Variants in TENM2 observed in about 807,000 individuals in gnomAD.
The protein encoded by TENM2 is teneurin transmembrane protein 2, also known as teneurin-2.
A neutral mutation model predicts 245.2 loss-of-function variants in TENM2; 52 were observed. That is an observed-to-expected ratio of 0.21 (90% CI 0.17 to 0.27). The LOEUF (loss-of-function observed/expected upper bound fraction) is 0.27. Among genes scored for constraint, TENM2 ranks in the 10% least tolerant of loss-of-function variants. TENM2 has a pLI of 1.00. For synonymous variants in TENM2, 1,363 were observed against 1,438.9 expected, an observed-to-expected ratio of 0.95 and a Z score of 1.19; for missense variants, 3,046 against 3,666.8, an observed-to-expected ratio of 0.83 and a Z score of 4.37.
chr5:167,510,380 A>G (rs1769859482), intron 2 of TENM2, among the ~76,000 whole-genome samples: 1 of 152,168 alleles, frequency 6.6e-6, no homozygotes, highest in African/African-American at 2.4e-5. Context: ...CTACTAGTGA[A>G]TTTCCAAGTT....
At chr5:167,957,508 T>C (rs1402785693) in intron 4 of TENM2, among the ~76,000 whole-genome samples, 1 of 152,214 alleles carries the variant, frequency 6.6e-6, no homozygotes, top group East Asian at 1.9e-4. Flanking sequence ...TTTCTTGTCT[T>C]CTGTTAGCTT....
At chr5:168,231,613 C>T (rs531706143) in intron 25 of TENM2, among the ~76,000 whole-genome samples, 182 of 152,104 alleles carry the variant, frequency 1.2e-3, no homozygotes, top group African/African-American at 4.2e-3. Flanking sequence ...AGAAAGCTCT[C>T]TCCAGCCTGG....
intron 2 of TENM2, among the ~76,000 whole-genome samples, chr5:167,515,650 C>CACATATATTCGTATATATGTATATATAT (rs1554168376): frequency 7.8e-6 from 1 of 128,056 alleles, no homozygotes. Flanking sequence ...TATATATATA[C>CACATATATTCGTATATATGTATATATAT]ACATATATAC....
At chr5:167,689,050 C>T (rs1342471011) in intron 2 of TENM2, among the ~76,000 whole-genome samples, 3 of 152,126 alleles carry the variant, frequency 2.0e-5, no homozygotes, top group Non-Finnish European at 4.4e-5. Context: ...GTTGAACTTC[C>T]GGAAAAACGT....
At chr5:167,195,858 C>T in the TENM2 span, among the ~76,000 whole-genome samples, 3 of 151,936 alleles carry the variant, frequency 2.0e-5, no homozygotes, top group Admixed American at 6.6e-5. Flanking sequence ...CTGATCTACA[C>T]ACCTGTATTT....
intron 15 of TENM2, 76 bp from the exon 18 acceptor site, chr5:168,198,776 CA>C (rs1241991375): frequency 6.5e-7 from 1 of 1,540,088 alleles, no homozygotes. Flanking sequence ...GCATGGCCAT[CA>C]GGGGAGGAGG....
intron 2 of TENM2, among the ~76,000 whole-genome samples, chr5:167,427,474 G>A (rs75664911): frequency 0.039 from 5,811 of 147,646 alleles, 177 homozygotes; most frequent in African/African-American, 0.078. Flanking sequence ...AGGAAGGAAG[G>A]GAAGGAAGGG....
At chr5:167,682,092 C>T (rs1277245121) in intron 2 of TENM2, among the ~76,000 whole-genome samples, 5 of 87,564 alleles carry the variant, frequency 5.7e-5, no homozygotes, top group African/African-American at 1.5e-4. Context: ...CTTCCTTCCT[C>T]CATCCCTCCC....
the TENM2 span, among the ~76,000 whole-genome samples, chr5:167,240,814 A>G: frequency 1.3e-5 from 2 of 152,124 alleles, no homozygotes; most frequent in African/African-American, 4.8e-5. Context: ...AATTTCCCGA[A>G]TGTCTTAAGA....
At chr5:167,837,499 C>G (rs1309351507) in intron 2 of TENM2, among the ~76,000 whole-genome samples, 1 of 152,122 alleles carries the variant, frequency 6.6e-6, no homozygotes, top group Non-Finnish European at 1.5e-5. Flanking sequence ...CATTACTAGT[C>G]TAAAACATAG....
At chr5:167,951,921 C>G (rs1184368883) in intron 3 of TENM2, among the ~76,000 whole-genome samples, 1 of 151,940 alleles carries the variant, frequency 6.6e-6, no homozygotes, top group Non-Finnish European at 1.5e-5. Flanking sequence ...TTTGAATTGT[C>G]AACATTTTTA....
At chr5:167,834,640 CTTTTTTTTTT>C (rs555150513) in intron 2 of TENM2, among the ~76,000 whole-genome samples, 1 of 129,544 alleles carries the variant, frequency 7.7e-6, no homozygotes, top group African/African-American at 2.9e-5. Context: ...TGTACAATTT[CTTTTTTTTTT>C]TTTTTTTTTT....
At chr5:167,846,941 A>G (rs1770097589) in intron 2 of TENM2, among the ~76,000 whole-genome samples, 1 of 127,822 alleles carries the variant, frequency 7.8e-6, no homozygotes, top group African/African-American at 2.5e-5. Flanking sequence ...GGACCACAGA[A>G]GTCATTTCAA....
At chr5:167,303,548 A>G (rs1689538370) in intron 1 of TENM2, among the ~76,000 whole-genome samples, 1 of 152,148 alleles carries the variant, frequency 6.6e-6, no homozygotes, top group Non-Finnish European at 1.5e-5. Flanking sequence ...TCATCAGTTA[A>G]GGCAGGAACA....
intron 2 of TENM2, among the ~76,000 whole-genome samples, chr5:167,583,155 A>G (rs1156836322): frequency 1.3e-5 from 2 of 152,222 alleles, no homozygotes; most frequent in African/African-American, 4.8e-5. Flanking sequence ...AAGAAAAAAC[A>G]GCACAGCAGG....
At chr5:167,034,266 G>T in the TENM2 span, among the ~76,000 whole-genome samples, 1 of 152,176 alleles carries the variant, frequency 6.6e-6, no homozygotes, top group East Asian at 1.9e-4. Context: ...GTCCTGCATT[G>T]GTATCCCAAT....
chr5:168,248,460 T>C (rs1243148850), intron 27 of TENM2, 89 bp downstream of exon 29: 3 of 1,353,398 alleles, frequency 2.2e-6, no homozygotes, highest in African/African-American at 1.4e-5. Flanking sequence ...TCCCATCTTA[T>C]GGTAGGAGAA....
At position 167,710,749 on chromosome 5, in the gene TENM2, G is replaced by A. The variant is rs187331980; in HGVS notation, c.503-165237G>A. Among the ~76,000 whole-genome samples the A allele has an allele frequency of 2.6e-5, 4 of 152,286 alleles. 1 individual carries two copies. Among genetic ancestry groups the A allele is most frequent in the Admixed American group, 2.0e-4 (3 of 15,298 alleles). On this transcript the variant is annotated intron_variant, in intron 2 of 28. Coordinates refer to ENST00000518659, the Ensembl canonical transcript of TENM2. The stretch of plus-strand genomic sequence containing the variant: ...TGAGGGCATTGGGAAACCACTGAAA[G>A]GTTTTAAGCAAAGGAATGACACAGT...
intron 7 of TENM2, among the ~76,000 whole-genome samples, chr5:168,068,805 A>G (rs1244632691): frequency 1.3e-5 from 2 of 151,488 alleles, no homozygotes; most frequent in African/African-American, 2.4e-5. Context: ...TAATATGGGT[A>G]TCTTTTATAC....
Sources: gnomAD v4.1 joint callset for allele counts (sites outside exome capture counted in the v4.1 genomes callset) on GRCh38, gnomAD v4.1.1 for gene constraint, MANE v1.5 for transcripts, NCBI Gene and HGNC (gene_info 2026-07-23, HGNC 2026-07-21) for gene names.